HMSD: variants seen among roughly 807,000 people sequenced by gnomAD.
HMSD encodes the protein serpin-like protein HMSD.
A neutral mutation model predicts 10.0 loss-of-function variants in HMSD; 13 were observed. The ratio of observed to expected loss-of-function variants is 1.31; its 90% confidence interval spans 0.85 to 2.08. HMSD has a LOEUF of 2.08. Ranked by LOEUF, HMSD falls within the 30% of genes most tolerant of loss-of-function variation. HMSD has a pLI of 0.00. For synonymous variants in HMSD, 51 were observed against 54.2 expected, an observed-to-expected ratio of 0.94 and a Z score of 0.26; for missense variants, 169 against 166.3, an observed-to-expected ratio of 1.02 and a Z score of -0.09.
intron 3 of HMSD, among the ~76,000 whole-genome samples, chr18:63,959,711 A>T (rs1225880058): frequency 6.6e-6 from 1 of 152,016 alleles, no homozygotes; most frequent in Non-Finnish European, 1.5e-5. Flanking sequence ...TGCTTGCTGG[A>T]TCTGTTCATT....
intron 1 of HMSD, among the ~76,000 whole-genome samples, chr18:63,951,449 G>A (rs993092106): frequency 6.6e-6 from 1 of 150,402 alleles, no homozygotes; most frequent in South Asian, 2.1e-4. Flanking sequence ...TCACCAGCAG[G>A]GGGGAAACTG....
At chr18:63,963,876 G>A (rs1055280025), downstream of HMSD, among the ~76,000 whole-genome samples, 1 of 152,204 alleles carries the variant, frequency 6.6e-6, no homozygotes, top group Non-Finnish European at 1.5e-5. Context: ...TGCACTTTCT[G>A]GATTCTGATC....
At chr18:63,961,976 C>T (rs1419398681), downstream of HMSD, 2 of 152,162 alleles carry the variant, frequency 1.3e-5, no homozygotes, top group Non-Finnish European at 2.9e-5. Flanking sequence ...AATAATAATT[C>T]CATGTGTTTT....
In HMSD at chr18:63,954,073, C is replaced by T. The variant is rs146014432; in HGVS notation, c.73-335C>T. ...GCACCATGTGTATGCAGAGACAGGA[C>T]ACATGGTTGGCAGCTGCGTTTTTAG... On this transcript the variant is annotated intron_variant, in intron 2 of 3. Coordinates refer to ENST00000408945, the MANE Select transcript of HMSD (RefSeq NM_001123366.2). 1.6e-3 allele frequency among the ~76,000 whole-genome samples: 242 copies of T among 152,310 alleles called. 3 individuals carry two copies. Among genetic ancestry groups the T allele is most frequent in the African/African-American group, 5.5e-3 (228 of 41,558 alleles).
intron 3 of HMSD, chr18:63,969,256 T>C (rs1035269123): frequency 6.6e-6 from 1 of 152,226 alleles, no homozygotes; most frequent in Admixed American, 6.5e-5. Flanking sequence ...ATTTATCTTT[T>C]TGGATAAGAG....
downstream of HMSD, among the ~76,000 whole-genome samples, chr18:63,962,725 C>T (rs2050391566): frequency 6.6e-6 from 1 of 152,246 alleles, no homozygotes. Flanking sequence ...AGGAGAGGTC[C>T]AAAGCAAGGG....
chr18:63,953,516 CA>C lies in HMSD; in HGVS notation c.62del (p.Gln21ArgfsTer68). ...FMGAKGNTAA[Q>X]MSQALCFSKI... Reference sequence around the variant, plus strand: ...GGGGGCAAAGGGAAACACTGCAGCTCAGATGTCTCAGGTACGTAAAGCCACT... The same window carrying C: ...GGGGGCAAAGGGAAACACTGCAGCTCGATGTCTCAGGTACGTAAAGCCACT... On this transcript the variant is annotated frameshift_variant, in exon 2 of 4. Coordinates refer to ENST00000408945, the MANE Select transcript of HMSD (RefSeq NM_001123366.2). LOFTEE classifies it high-confidence loss of function. The C allele has an allele frequency of 6.2e-7, 1 of 1,613,692 alleles. No homozygotes were observed. The highest frequency in any genetic ancestry group is 8.5e-7 in the Non-Finnish European group (1 of 1,179,646).
chr18:63,958,013 A>G (rs1010462224), intron 3 of HMSD, among the ~76,000 whole-genome samples: 3 of 152,186 alleles, frequency 2.0e-5, no homozygotes, highest in African/African-American at 7.2e-5. Flanking sequence ...AGTCATCAAT[A>G]TGTGATTCAT....
intron 3 of HMSD, among the ~76,000 whole-genome samples, chr18:63,956,246 CTG>C (rs2050357475): frequency 6.6e-6 from 1 of 152,064 alleles, no homozygotes; most frequent in East Asian, 1.9e-4. Context: ...CTGAAAAGTT[CTG>C]CAGGGCAAAA....
intron 3 of HMSD, among the ~76,000 whole-genome samples, chr18:63,957,213 G>T (rs934828178): frequency 5.3e-5 from 8 of 151,608 alleles, no homozygotes; most frequent in African/African-American, 1.7e-4. Flanking sequence ...TTAGGTATCC[G>T]TGAACCTAAA....
chr18:63,966,730 A>ATAT (rs2050411233), downstream of HMSD: 1 of 152,366 alleles, frequency 6.6e-6, no homozygotes, highest in South Asian at 2.1e-4. Context: ...TCTTGTGACA[A>ATAT]TATTATTACC....
Position 63,960,375 on chromosome 18 carries a change from T to C in HMSD, c.*20T>C. The C allele has an allele frequency of 6.4e-7, 1 of 1,556,810 alleles. No homozygotes were observed. The highest frequency in any genetic ancestry group is 1.2e-5 in the South Asian group (1 of 83,418). On this transcript the variant is annotated 3_prime_UTR_variant, in exon 4 of 4. Transcript: ENST00000408945. Reference sequence around the variant, plus strand: ...ATATAAAAAGGAGTCCTTTTTTCTCTAAACAACTATGCAAACATTAAAACC... The same window carrying C: ...ATATAAAAAGGAGTCCTTTTTTCTCCAAACAACTATGCAAACATTAAAACC...
At position 63,960,528 on chromosome 18, in the gene HMSD, A is replaced by G. The variant is rs920486115; in HGVS notation, c.*173A>G. Reference sequence around the variant, plus strand: ...GTTTTTTTGCTTGTTAATATTAGGTAGTTTTTCTTTTCACAAATAGCGTTA... The same window carrying G: ...GTTTTTTTGCTTGTTAATATTAGGTGGTTTTTCTTTTCACAAATAGCGTTA... On this transcript the variant is annotated 3_prime_UTR_variant, in exon 4 of 4. Transcript: ENST00000408945. 6.0e-6 allele frequency: 6 copies of G among 994,798 alleles called. No individual in the cohort carries two copies. The highest frequency in any genetic ancestry group is 8.2e-6 in the Non-Finnish European group (6 of 734,404). 61.6% of individuals were successfully genotyped at this position (994,798 alleles called of 1,614,324 possible). A position where few individuals can be genotyped will look rare whatever the true frequency, so the allele number is the denominator to read the frequency against.
chr18:63,954,793 G>A (rs1048249708), intron 3 of HMSD, among the ~76,000 whole-genome samples: 10 of 152,202 alleles, frequency 6.6e-5, no homozygotes, highest in East Asian at 1.9e-4. Context: ...GACACAGAGC[G>A]TAACACAGTT....
downstream of HMSD, among the ~76,000 whole-genome samples, chr18:63,963,935 G>C (rs1221621815): frequency 6.6e-6 from 1 of 152,224 alleles, no homozygotes; most frequent in Non-Finnish European, 1.5e-5. Context: ...TTGGTCATCT[G>C]TAGCCACATT....
chr18:63,952,136 T>G, intron 1 of HMSD, among the ~76,000 whole-genome samples: 1 of 84,482 alleles, frequency 1.2e-5, no homozygotes, highest in East Asian at 4.2e-4. Flanking sequence ...CTGGGGACTG[T>G]GGTGGGGTGG....
In HMSD at chr18:63,956,353, A is replaced by T. The variant is rs1387560465; in HGVS notation, c.222+1796A>T. ...AGAGGTCTAATATCCAGAATCTATT[A>T]AAAAAAAAACAAACTTAAATTTACA... On this transcript the variant is annotated intron_variant, in intron 3 of 3. Coordinates refer to ENST00000408945, the MANE Select transcript of HMSD (RefSeq NM_001123366.2). Among the ~76,000 whole-genome samples the T allele has an allele frequency of 2.2e-5, 3 of 138,234 alleles. No homozygotes were observed. In the Admixed American group the frequency reaches 2.2e-4, roughly 10 times the overall value. The allele number at this position is 138,234 out of a possible 152,430, so 90.7% of individuals were successfully genotyped here.
chr18:63,949,866 G>A (rs1325764790), intron 1 of HMSD, among the ~76,000 whole-genome samples: 1 of 152,190 alleles, frequency 6.6e-6, no homozygotes, highest in Non-Finnish European at 1.5e-5. Flanking sequence ...ATTTGTACTT[G>A]ACATTCCTCC....
chr18:63,951,111 A>G (rs545124475), intron 1 of HMSD, among the ~76,000 whole-genome samples: 1 of 152,340 alleles, frequency 6.6e-6, no homozygotes, highest in African/African-American at 2.4e-5. Flanking sequence ...TAACAGATTT[A>G]TAAGTGTTGA....
Sources: gnomAD v4.1 joint callset for allele counts (sites outside exome capture counted in the v4.1 genomes callset) on GRCh38, gnomAD v4.1.1 for gene constraint, MANE v1.5 for transcripts, NCBI Gene and HGNC (gene_info 2026-07-23, HGNC 2026-07-21) for gene names.